CNTN1: variants seen among roughly 807,000 people sequenced by gnomAD.
The protein encoded by CNTN1 is contactin 1, also known as contactin-1.
CNTN1 carries 38 observed loss-of-function variants against 126.4 expected under a neutral mutation model. The ratio of observed to expected loss-of-function variants is 0.30; its 90% CI spans 0.23 to 0.39. The LOEUF is 0.39. Ranked by LOEUF, CNTN1 falls within the 10% of genes least tolerant of loss-of-function variation. The pLI, the probability that CNTN1 is intolerant of heterozygous loss-of-function variation, is 1.00. For synonymous variants in CNTN1, 413 were observed against 422.6 expected (o/e 0.98, Z 0.28); for missense variants, 1,009 against 1,248.4 (o/e 0.81, Z 2.89).
chr12:40,874,802 T>C (rs191540517), intron 1 of CNTN1, among the ~76,000 whole-genome samples: 16 of 152,294 alleles, frequency 1.1e-4, no homozygotes, highest in Admixed American at 1.0e-3. Context: ...TAAATGATGA[T>C]AAAAATAATA....
intron 23 of CNTN1, among the ~76,000 whole-genome samples, chr12:41,049,968 C>T (rs1301188108): frequency 5.9e-5 from 9 of 152,170 alleles, no homozygotes; most frequent in East Asian, 1.9e-4. Flanking sequence ...AGCACAATCT[C>T]GGCTTACTGC....
At chr12:40,985,049 C>T (rs1233858334) in intron 16 of CNTN1, among the ~76,000 whole-genome samples, 1 of 151,842 alleles carries the variant, frequency 6.6e-6, no homozygotes, top group African/African-American at 2.4e-5. Flanking sequence ...ACTTGAAGAA[C>T]TTTAATTTTT....
rs1016213829 is a variant in CNTN1, at chr12:40,934,188, CTT to C, written c.985+314_985+315del. On this transcript the variant is annotated intron_variant, in intron 9 of 23. Coordinates refer to ENST00000551295, the MANE Select transcript of CNTN1 (RefSeq NM_001843.4). ...TTTTATCACTGTCTTTTTTCAGTAT[CTT>C]TTTATTTATAGAAGAAGCTATGTGT... Among the ~76,000 whole-genome samples, 4 of 151,812 alleles carry C rather than the reference CTT, an allele frequency of 2.6e-5. No homozygotes were observed. The South Asian group carries it at 6.2e-4, about 24-fold the overall frequency.
chr12:40,887,069 A>G (rs1009345544), intron 1 of CNTN1, among the ~76,000 whole-genome samples: 12 of 152,070 alleles, frequency 7.9e-5, no homozygotes, highest in African/African-American at 2.4e-4. Context: ...TTGGTTCCAT[A>G]TGAACTTTAA....
At chr12:41,025,397 C>A (rs1478149082) in intron 21 of CNTN1, 61 bp downstream of exon 21, 4 of 1,524,278 alleles carry the variant, frequency 2.6e-6, no homozygotes, top group East Asian at 2.3e-5. Context: ...AATCATGATA[C>A]GAATATATTT....
chr12:40,733,627 G>C (rs1206691854), intron 1 of CNTN1, among the ~76,000 whole-genome samples: 1 of 151,768 alleles, frequency 6.6e-6, no homozygotes, highest in Non-Finnish European at 1.5e-5. Context: ...GTTCAACGTT[G>C]AACTAGGAAG....
chr12:40,875,290 A>C (rs1943631198), intron 1 of CNTN1, among the ~76,000 whole-genome samples: 1 of 152,078 alleles, frequency 6.6e-6, no homozygotes, highest in African/African-American at 2.4e-5. Context: ...CCATCTTGCA[A>C]AACCATAGTA....
chr12:40,728,412 A>G (rs1942412488), intron 1 of CNTN1, among the ~76,000 whole-genome samples: 1 of 152,176 alleles, frequency 6.6e-6, no homozygotes. Context: ...GGAAGGGTAG[A>G]GGACCTAAAA....
chr12:40,962,593 C>T (rs1947143453), intron 15 of CNTN1, among the ~76,000 whole-genome samples: 1 of 151,978 alleles, frequency 6.6e-6, no homozygotes, highest in Non-Finnish European at 1.5e-5. Flanking sequence ...AAAGCAGTGG[C>T]AATTGTCGCC....
chr12:41,016,572 G>A, intron 18 of CNTN1, 110 bp from the exon 19 acceptor site: 1 of 733,662 alleles, frequency 1.4e-6, no homozygotes, highest in South Asian at 1.5e-5. Context: ...TGTATGAACT[G>A]TGTATGTTTT....
At chr12:40,719,761 C>T (rs559400147) in intron 1 of CNTN1, among the ~76,000 whole-genome samples, 1 of 152,124 alleles carries the variant, frequency 6.6e-6, no homozygotes, top group South Asian at 2.1e-4. Context: ...GTGTCAGTAC[C>T]ATGCAAAGTT....
chr12:40,831,731 A>T (rs1941848225), intron 1 of CNTN1, among the ~76,000 whole-genome samples: 1 of 152,074 alleles, frequency 6.6e-6, no homozygotes, highest in Admixed American at 6.6e-5. Context: ...TCACAAGACA[A>T]CTCAGTGCAA....
At chr12:40,804,871 C>G (rs910448280) in intron 1 of CNTN1, among the ~76,000 whole-genome samples, 3 of 148,680 alleles carry the variant, frequency 2.0e-5, no homozygotes, top group Non-Finnish European at 4.5e-5. Context: ...AATCTGAAAA[C>G]TGTCTTTATT....
intron 1 of CNTN1, among the ~76,000 whole-genome samples, chr12:40,830,270 A>C (rs1468961565): frequency 1.1e-4 from 17 of 152,150 alleles, no homozygotes; most frequent in Admixed American, 1.1e-3. Flanking sequence ...TTTATAGGCT[A>C]TCAATTGGGA....
In CNTN1 at chr12:40,991,695, G is replaced by A. The variant is rs559400522; in HGVS notation, c.1964-1425G>A. On this transcript the variant is annotated intron_variant, in intron 16 of 23. Coordinates refer to ENST00000551295, the MANE Select transcript of CNTN1 (RefSeq NM_001843.4). ...ATACAAAAATTAGCCGGGCCTGGTG[G>A]CATAAGCCTGTAGTCCCAGCTACTC... 1.6e-3 allele frequency among the ~76,000 whole-genome samples: 241 copies of A among 152,298 alleles called. 2 individuals carry two copies. The Middle Eastern group carries it at 0.027, about 17-fold the overall frequency.
chr12:40,716,449 A>G lies in CNTN1; in HGVS notation c.-77+23857A>G, dbSNP rs530688154. 4.6e-5 allele frequency among the ~76,000 whole-genome samples: 7 copies of G among 152,156 alleles called. No individual in the cohort carries two copies. In the South Asian group the frequency reaches 1.5e-3, roughly 32 times the overall value. On this transcript the variant is annotated intron_variant, in intron 1 of 23. Coordinates refer to ENST00000551295, the MANE Select transcript of CNTN1 (RefSeq NM_001843.4). ...TCCACAAATCTAAATACCTTGGGACAAGAGACAACCTCTAACAAATGTTGA... is the reference window on the plus strand; with the variant it reads ...TCCACAAATCTAAATACCTTGGGACGAGAGACAACCTCTAACAAATGTTGA...
intron 1 of CNTN1, among the ~76,000 whole-genome samples, chr12:40,854,245 A>G (rs1942820282): frequency 6.6e-6 from 1 of 151,976 alleles, no homozygotes; most frequent in Admixed American, 6.6e-5. Context: ...GTTAACAGGG[A>G]AATTGCAAGA....
At chr12:40,941,443 C>A (rs987129803) in intron 12 of CNTN1, among the ~76,000 whole-genome samples, 1 of 152,004 alleles carries the variant, frequency 6.6e-6, no homozygotes, top group Non-Finnish European at 1.5e-5. Context: ...TAATTATAAA[C>A]AACATTTCCA....
intron 14 of CNTN1, among the ~76,000 whole-genome samples, chr12:40,954,847 G>T (rs987354667): frequency 2.6e-5 from 4 of 152,136 alleles, no homozygotes; most frequent in African/African-American, 9.7e-5. Flanking sequence ...TACTCTGACT[G>T]CTCTGATGTG....
Sources: allele counts gnomAD v4.1 joint callset (sites outside exome capture counted in the v4.1 genomes callset), GRCh38; gene constraint gnomAD v4.1.1; transcripts MANE v1.5; gene names NCBI Gene and HGNC (gene_info 2026-07-23, HGNC 2026-07-21).